CEP112: variants seen among roughly 807,000 people sequenced by gnomAD.
The protein encoded by CEP112 is centrosomal protein 112, also known as centrosomal protein of 112 kDa.
A neutral mutation model predicts 153.0 loss-of-function variants in CEP112; 127 were observed. That is an observed-to-expected ratio of 0.83 (90% CI 0.72 to 0.96). The LOEUF (loss-of-function observed/expected upper bound fraction) is 0.96, where lower values mean the gene tolerates loss of function less well. Ranked by LOEUF, CEP112 falls within the 40% of genes least tolerant of loss-of-function variation. The pLI, the probability that CEP112 is intolerant of heterozygous loss-of-function variation, is 0.00. For missense variants in CEP112, 1,089 were observed against 1,101.2 expected (o/e 0.99, Z 0.16); for synonymous variants, 358 against 374.4 (o/e 0.96, Z 0.51).
chr17:66,165,148 C>G (rs1229701335), intron 4 of CEP112, among the ~76,000 whole-genome samples: 1 of 151,498 alleles, frequency 6.6e-6, no homozygotes, highest in African/African-American at 2.4e-5. Context: ...CCCACCGAGA[C>G]AGAGAACAGG....
At chr17:66,004,707 A>C (rs2064199652) in intron 17 of CEP112, among the ~76,000 whole-genome samples, 1 of 152,232 alleles carries the variant, frequency 6.6e-6, no homozygotes, top group Non-Finnish European at 1.5e-5. Flanking sequence ...TATTTTATTA[A>C]CAAGCAAAGT....
chr17:65,937,328 T>C (rs2061347599), intron 18 of CEP112, among the ~76,000 whole-genome samples: 1 of 100,118 alleles, frequency 1.0e-5, no homozygotes, highest in Non-Finnish European at 1.9e-5. Flanking sequence ...ATCTAGGAAG[T>C]GAGGAGCGCC....
intron 20 of CEP112, among the ~76,000 whole-genome samples, chr17:65,859,812 G>A (rs1368548733): frequency 6.9e-6 from 1 of 145,722 alleles, no homozygotes; most frequent in Non-Finnish European, 1.5e-5. Context: ...TTTGAGACTA[G>A]CCTGGTCAAC....
chr17:65,759,033 A>T (rs566368622), intron 21 of CEP112, among the ~76,000 whole-genome samples: 1 of 152,276 alleles, frequency 6.6e-6, no homozygotes, highest in Non-Finnish European at 1.5e-5. Flanking sequence ...TGATAAAACA[A>T]GTTGCAGTAA....
chr17:66,079,665 T>G (rs970012643), intron 8 of CEP112, among the ~76,000 whole-genome samples: 4 of 152,070 alleles, frequency 2.6e-5, no homozygotes, highest in African/African-American at 9.7e-5. Flanking sequence ...CTACTTTAAA[T>G]TTCATATGCA....
intron 21 of CEP112, among the ~76,000 whole-genome samples, chr17:65,844,815 A>G (rs1164419351): frequency 6.6e-6 from 1 of 152,016 alleles, no homozygotes; most frequent in Non-Finnish European, 1.5e-5. Flanking sequence ...GGAGATCAAG[A>G]CCATCCTGGT....
Position 65,663,503 on chromosome 17 carries a change from A to G in CEP112, c.2698-22438T>C, listed in dbSNP as rs566563784. Among the ~76,000 whole-genome samples, 22 of 152,254 alleles carry G rather than the reference A, an allele frequency of 1.4e-4. No homozygotes were observed. The South Asian group carries it at 3.3e-3, about 23-fold the overall frequency. ...AAAAGGGGGGCGGCCAGTAGAAGGT[A>G]GGAGCTCCCTATATTTCTTAAACTA... On this transcript the variant is annotated intron_variant, in intron 24 of 26. Coordinates refer to ENST00000535342, the MANE Select transcript of CEP112 (RefSeq NM_001199165.4).
At chr17:65,970,509 G>A (rs1240241694) in intron 17 of CEP112, among the ~76,000 whole-genome samples, 7 of 150,958 alleles carry the variant, frequency 4.6e-5, no homozygotes, top group African/African-American at 1.5e-4. Context: ...CATATTATAT[G>A]CATGCATATT....
intron 24 of CEP112, among the ~76,000 whole-genome samples, chr17:65,684,687 A>G (rs984250222): frequency 3.3e-5 from 5 of 152,216 alleles, no homozygotes; most frequent in African/African-American, 1.2e-4. Context: ...CTGTACCTGC[A>G]CCCGAGTGAC....
chr17:65,711,665 A>T (rs1343332173), intron 23 of CEP112, among the ~76,000 whole-genome samples: 1 of 152,228 alleles, frequency 6.6e-6, no homozygotes, highest in Non-Finnish European at 1.5e-5. Context: ...GATTTTATCA[A>T]ATGCCTGAGT....
At chr17:65,707,271 A>AT (rs1186167071) in intron 23 of CEP112, among the ~76,000 whole-genome samples, 6 of 152,162 alleles carry the variant, frequency 3.9e-5, no homozygotes, top group Admixed American at 2.0e-4. Flanking sequence ...ATAGAAAATT[A>AT]TAAGTCTTTG....
chr17:65,785,248 T>A (rs906481534), intron 21 of CEP112, among the ~76,000 whole-genome samples: 1 of 152,220 alleles, frequency 6.6e-6, no homozygotes, highest in African/African-American at 2.4e-5. Flanking sequence ...TTTTTCCACT[T>A]TTTGACTACT....
intron 23 of CEP112, among the ~76,000 whole-genome samples, chr17:65,725,451 G>A (rs747980420): frequency 6.6e-6 from 1 of 151,932 alleles, no homozygotes; most frequent in Non-Finnish European, 1.5e-5. Context: ...CTGAGTAGCT[G>A]AGATTACAGG....
chr17:65,801,265 C>T (rs1327365789), intron 21 of CEP112, among the ~76,000 whole-genome samples: 1 of 152,060 alleles, frequency 6.6e-6, no homozygotes, highest in African/African-American at 2.4e-5. Flanking sequence ...CACCATGTTT[C>T]CTAGGCTGGT....
chr17:66,057,758 TAC>T (rs71160526), intron 11 of CEP112, among the ~76,000 whole-genome samples: 62,242 of 142,112 alleles, frequency 0.44, 14,405 homozygotes, highest in Non-Finnish European at 0.54. Flanking sequence ...AAAATTACTC[TAC>T]ACACACACAC....
At chr17:66,099,783 A>C (rs1309949725) in intron 6 of CEP112, among the ~76,000 whole-genome samples, 1 of 152,186 alleles carries the variant, frequency 6.6e-6, no homozygotes. Flanking sequence ...TGCCAGCAGA[A>C]GGAAACACTT....
Position 66,093,741 on chromosome 17 carries a change from T to C in CEP112, c.768+2510A>G, listed in dbSNP as rs189187254. On this transcript the variant is annotated intron_variant, in intron 8 of 26. Coordinates refer to ENST00000535342, the MANE Select transcript of CEP112 (RefSeq NM_001199165.4). Reference sequence around the variant, plus strand: ...CTGGAAGAACTAATAATGGTTAAAATGTCCATGCTATCCAAAGCAATCTAT... The same window carrying C: ...CTGGAAGAACTAATAATGGTTAAAACGTCCATGCTATCCAAAGCAATCTAT... Among the ~76,000 whole-genome samples, 172 of 152,290 alleles carry C rather than the reference T, an allele frequency of 1.1e-3. 1 individual carries two copies. The highest frequency in any genetic ancestry group is 3.8e-3 in the African/African-American group (160 of 41,578).
At chr17:65,693,942 C>T (rs968569557) in intron 23 of CEP112, among the ~76,000 whole-genome samples, 4 of 152,094 alleles carry the variant, frequency 2.6e-5, no homozygotes, top group East Asian at 1.9e-4. Flanking sequence ...ATCAGGCAGG[C>T]TCTCCCCAGA....
In CEP112 at chr17:66,053,895, A is replaced by C. The variant is rs2066561319; in HGVS notation, c.1075-16T>G. On this transcript the variant is annotated splice_polypyrimidine_tract_variant and intron_variant, in intron 11 of 26. Coordinates refer to ENST00000535342, the MANE Select transcript of CEP112 (RefSeq NM_001199165.4). Reference sequence around the variant, plus strand: ...CATTGTGAAGCTACATCAGGAAATCAAGAGTTGACTCTTTTACTACTATGG... The same window carrying C: ...CATTGTGAAGCTACATCAGGAAATCCAGAGTTGACTCTTTTACTACTATGG... 1 of 1,602,818 alleles carries C rather than the reference A, an allele frequency of 6.2e-7. No individual in the cohort carries two copies. The highest frequency in any genetic ancestry group is 1.7e-5 in the Admixed American group (1 of 59,068).
Sources: allele counts gnomAD v4.1 joint callset (sites outside exome capture counted in the v4.1 genomes callset), GRCh38; gene constraint gnomAD v4.1.1; transcripts MANE v1.5; gene names NCBI Gene and HGNC (gene_info 2026-07-23, HGNC 2026-07-21).